PTPRD: variants seen among roughly 807,000 people sequenced by gnomAD.
PTPRD encodes the protein receptor-type tyrosine-protein phosphatase delta.
A neutral mutation model predicts 214.5 loss-of-function variants in PTPRD; 34 were observed. The observed-to-expected ratio is 0.16, with a 90% confidence interval of 0.12 to 0.21. The LOEUF (loss-of-function observed/expected upper bound fraction) is 0.21. PTPRD is among the 10% of genes least tolerant of loss of function. PTPRD has a pLI of 1.00. For synonymous variants in PTPRD, 1,128 were observed against 845.7 expected, an observed-to-expected ratio of 1.33 and a Z score of -5.79; for missense variants, 2,545 against 2,398.7, an observed-to-expected ratio of 1.06 and a Z score of -1.27.
At chr9:8,370,284 C>T (rs1007205472) in intron 39 of PTPRD, among the ~76,000 whole-genome samples, 1 of 151,430 alleles carries the variant, frequency 6.6e-6, no homozygotes, top group Non-Finnish European at 1.5e-5. Context: ...TATCTGACAA[C>T]CTTTACACAT....
chr9:10,162,203 A>T (rs1163094626), intron 3 of PTPRD, among the ~76,000 whole-genome samples: 1 of 151,568 alleles, frequency 6.6e-6, no homozygotes, highest in African/African-American at 2.4e-5. Flanking sequence ...GTATAAAGCC[A>T]AGAGAAAAAA....
At chr9:9,083,547 C>T (rs2099762295) in intron 10 of PTPRD, among the ~76,000 whole-genome samples, 1 of 152,090 alleles carries the variant, frequency 6.6e-6, no homozygotes, top group South Asian at 2.1e-4. Context: ...CCAAAATTGA[C>T]AGATGGGATC....
intron 2 of PTPRD, among the ~76,000 whole-genome samples, chr9:10,429,382 G>C (rs1454138585): frequency 5.3e-5 from 8 of 151,900 alleles, no homozygotes; most frequent in Non-Finnish European, 7.4e-5. Context: ...AAACCCTGCA[G>C]TTTCATGTTA....
At chr9:9,225,374 G>A (rs760082370) in intron 9 of PTPRD, among the ~76,000 whole-genome samples, 6 of 151,902 alleles carry the variant, frequency 3.9e-5, no homozygotes, top group Non-Finnish European at 8.8e-5. Flanking sequence ...CTTTATCGAA[G>A]ACCAACCATC....
intron 3 of PTPRD, among the ~76,000 whole-genome samples, chr9:10,192,098 A>C (rs1355313038): frequency 6.6e-6 from 1 of 152,190 alleles, no homozygotes; most frequent in Non-Finnish European, 1.5e-5. Flanking sequence ...TTTTATCATA[A>C]CTGAACCTTT....
chr9:10,150,485 G>A (rs1250330018), intron 3 of PTPRD, among the ~76,000 whole-genome samples: 1 of 151,930 alleles, frequency 6.6e-6, no homozygotes, highest in African/African-American at 2.4e-5. Flanking sequence ...CACGGGGTGG[G>A]GAACATCACA....
chr9:9,974,459 C>T (rs766812555), intron 4 of PTPRD, among the ~76,000 whole-genome samples: 1 of 152,090 alleles, frequency 6.6e-6, no homozygotes, highest in Non-Finnish European at 1.5e-5. Context: ...CACAACAGTT[C>T]TTTGACTTCA....
At chr9:10,419,830 G>A (rs572852982) in intron 2 of PTPRD, among the ~76,000 whole-genome samples, 64 of 151,620 alleles carry the variant, frequency 4.2e-4, no homozygotes, top group Non-Finnish European at 1.3e-4. Flanking sequence ...CATTTAGTGA[G>A]ACATATTTTA....
At position 9,921,231 on chromosome 9, in the gene PTPRD, C is replaced by T. The variant is rs1022055676; in HGVS notation, c.-368+17276G>A. 3.3e-5 allele frequency among the ~76,000 whole-genome samples: 5 copies of T among 152,024 alleles called. 1 individual carries two copies. Among genetic ancestry groups the T allele is most frequent in the Admixed American group, 2.6e-4 (4 of 15,246 alleles). On this transcript the variant is annotated intron_variant, in intron 5 of 45. Transcript: ENST00000381196. ...TTTCAAAAGTGCTGCTTTCAACTCT[C>T]ATTTTATAAATATTTAAATAATTGT...
At chr9:8,367,496 A>C (rs1196149746) in intron 39 of PTPRD, among the ~76,000 whole-genome samples, 1 of 152,158 alleles carries the variant, frequency 6.6e-6, no homozygotes, top group Non-Finnish European at 1.5e-5. Context: ...TCTACGATCT[A>C]AAATGTCCAA....
At chr9:9,547,932 CAAT>C (rs1223442797) in intron 8 of PTPRD, among the ~76,000 whole-genome samples, 1 of 151,502 alleles carries the variant, frequency 6.6e-6, no homozygotes, top group Non-Finnish European at 1.5e-5. Flanking sequence ...TCAAAGAGAA[CAAT>C]GATAGGAATT....
intron 14 of PTPRD, among the ~76,000 whole-genome samples, chr9:8,556,818 G>C (rs1031072013): frequency 6.6e-6 from 1 of 152,084 alleles, no homozygotes; most frequent in African/African-American, 2.4e-5. Flanking sequence ...GAGGCTAAAA[G>C]AGATAGCATA....
intron 33 of PTPRD, among the ~76,000 whole-genome samples, chr9:8,458,240 G>A (rs1221824581): frequency 6.6e-6 from 1 of 152,064 alleles, no homozygotes; most frequent in Non-Finnish European, 1.5e-5. Context: ...AATTATAAGT[G>A]AGTTGATTTT....
intron 43 of PTPRD, among the ~76,000 whole-genome samples, chr9:8,334,194 A>G (rs541465337): frequency 2.0e-5 from 3 of 152,256 alleles, no homozygotes; most frequent in African/African-American, 4.8e-5. Context: ...CCTAATAGAC[A>G]TCTACAGAAC....
intron 12 of PTPRD, among the ~76,000 whole-genome samples, chr9:8,712,753 T>C (rs2098367879): frequency 6.6e-6 from 1 of 152,112 alleles, no homozygotes; most frequent in African/African-American, 2.4e-5. Context: ...CTTTCCCTCC[T>C]TGTTGCCCAG....
chr9:8,396,674 T>C (rs1301972258), intron 36 of PTPRD, among the ~76,000 whole-genome samples: 1 of 152,136 alleles, frequency 6.6e-6, no homozygotes, highest in Admixed American at 6.6e-5. Flanking sequence ...TTTTCTCTTT[T>C]CCGGGTAAGA....
intron 8 of PTPRD, among the ~76,000 whole-genome samples, chr9:9,572,488 A>G (rs1428346680): frequency 4.7e-4 from 71 of 150,568 alleles, no homozygotes; most frequent in Non-Finnish European, 1.8e-4. Flanking sequence ...GAATTTTAAG[A>G]AAGAAATAAT....
chr9:8,666,560 C>T (rs2097174552), intron 12 of PTPRD, among the ~76,000 whole-genome samples: 1 of 152,202 alleles, frequency 6.6e-6, no homozygotes, highest in Non-Finnish European at 1.5e-5. Flanking sequence ...ACTCTCCTTT[C>T]ACAGAAACTA....
intron 9 of PTPRD, among the ~76,000 whole-genome samples, chr9:9,363,776 C>G (rs2057021506): frequency 6.6e-6 from 1 of 151,268 alleles, no homozygotes; most frequent in African/African-American, 2.4e-5. Context: ...AACTTAGAAA[C>G]CATCGATATA....
Sources: gnomAD v4.1 joint callset for allele counts (sites outside exome capture counted in the v4.1 genomes callset) on GRCh38, gnomAD v4.1.1 for gene constraint, MANE v1.5 for transcripts, NCBI Gene and HGNC (gene_info 2026-07-23, HGNC 2026-07-21) for gene names.